The following MACROD2 variants were observed in gnomAD, a reference collection of about 807,000 sequenced individuals.
MACROD2 encodes ADP-ribose glycohydrolase MACROD2.
MACROD2 carries 36 observed loss-of-function variants against 70.4 expected under a neutral mutation model. The ratio of observed to expected loss-of-function variants is 0.51; its 90% confidence interval spans 0.39 to 0.68. The LOEUF is 0.68. MACROD2 is among the 30% of genes least tolerant of loss of function. The probability of loss-of-function intolerance (pLI) is 0.00; values close to 1 mark genes in which losing one functional copy is unlikely to be tolerated. For synonymous variants in MACROD2, 172 were observed against 178.8 expected (o/e 0.96, Z 0.30); for missense variants, 496 against 538.4 (o/e 0.92, Z 0.78).
chr20:14,369,490 G>T (rs1010477081), intron 3 of MACROD2, among the ~76,000 whole-genome samples: 6 of 152,084 alleles, frequency 3.9e-5, no homozygotes, highest in African/African-American at 1.4e-4. Context: ...TTTGGTTTCA[G>T]CATTTTCTTG....
At chr20:14,047,543 T>C (rs1203115929) in intron 2 of MACROD2, among the ~76,000 whole-genome samples, 7 of 152,078 alleles carry the variant, frequency 4.6e-5, no homozygotes. Flanking sequence ...ATTTCTGTTA[T>C]CCAGATAATT....
At chr20:15,127,928 T>C (rs1274466298) in intron 5 of MACROD2, among the ~76,000 whole-genome samples, 2 of 152,086 alleles carry the variant, frequency 1.3e-5, no homozygotes, top group South Asian at 2.1e-4. Flanking sequence ...AATTTATAAA[T>C]TTAGATGTTT....
chr20:14,126,030 A>G (rs1601252322), intron 3 of MACROD2, among the ~76,000 whole-genome samples: 2 of 152,182 alleles, frequency 1.3e-5, no homozygotes, highest in African/African-American at 4.8e-5. Flanking sequence ...TCAGGATTGT[A>G]GAAGCCTGAG....
In MACROD2 at chr20:15,276,585, C is replaced by T. The variant is rs186271129; in HGVS notation, c.540+46524C>T. 5.1e-3 allele frequency among the ~76,000 whole-genome samples: 782 copies of T among 151,998 alleles called. 2 individuals are homozygous for T. The highest frequency in any genetic ancestry group is 0.021 in the Middle Eastern group (6 of 292). On this transcript the variant is annotated intron_variant, in intron 6 of 17. Coordinates refer to ENST00000684519, the MANE Select transcript of MACROD2 (RefSeq NM_001351661.2). ...CTACACAAAAACTAACAAGTAATTA[C>T]ACGAAAATACGGGGCCCTTTCTTCT...
At chr20:15,564,253 C>T (rs371720651) in intron 8 of MACROD2, among the ~76,000 whole-genome samples, 1 of 152,164 alleles carries the variant, frequency 6.6e-6, no homozygotes, top group African/African-American at 2.4e-5. Context: ...AACCTTCGCT[C>T]ATTTTTGTCA....
At chr20:14,983,521 A>G (rs1337954555) in intron 5 of MACROD2, among the ~76,000 whole-genome samples, 1 of 151,970 alleles carries the variant, frequency 6.6e-6, no homozygotes, top group African/African-American at 2.4e-5. Flanking sequence ...GGTCTTTCCT[A>G]TGCTGTTCTC....
At chr20:15,348,405 T>C (rs1373536274) in intron 6 of MACROD2, among the ~76,000 whole-genome samples, 1 of 152,196 alleles carries the variant, frequency 6.6e-6, no homozygotes. Flanking sequence ...AGGTTTGATC[T>C]TTTCTAGCAG....
intron 5 of MACROD2, among the ~76,000 whole-genome samples, chr20:15,197,972 T>A (rs1023268480): frequency 4.7e-5 from 7 of 149,620 alleles, no homozygotes; most frequent in African/African-American, 1.7e-4. Flanking sequence ...TTTTTTTTTT[T>A]TTTTTTTGAG....
chr20:15,537,060 T>C (rs1245747821), intron 8 of MACROD2, among the ~76,000 whole-genome samples: 1 of 152,166 alleles, frequency 6.6e-6, no homozygotes, highest in Admixed American at 6.5e-5. Context: ...ATCTTGAATT[T>C]TAGCTCCCAT....
chr20:14,366,624 G>A (rs896632809), intron 3 of MACROD2, among the ~76,000 whole-genome samples: 10 of 151,206 alleles, frequency 6.6e-5, no homozygotes, highest in South Asian at 4.2e-4. Context: ...CTTGGCCTCC[G>A]AAAGTGCTGG....
chr20:15,062,854 C>T (rs365575), intron 5 of MACROD2, among the ~76,000 whole-genome samples: 24,418 of 152,118 alleles, frequency 0.16, 2,636 homozygotes, highest in Non-Finnish European at 0.23. Flanking sequence ...CCTGCCTTAG[C>T]TCTTGCAATT....
intron 8 of MACROD2, among the ~76,000 whole-genome samples, chr20:15,782,964 C>T (rs1471589557): frequency 2.6e-5 from 4 of 151,854 alleles, no homozygotes; most frequent in African/African-American, 7.3e-5. Flanking sequence ...CAGCAGTTAC[C>T]GGAAATTCAA....
intron 5 of MACROD2, among the ~76,000 whole-genome samples, chr20:15,204,503 G>A (rs2076684709): frequency 6.6e-6 from 1 of 152,044 alleles, no homozygotes; most frequent in South Asian, 2.1e-4. Flanking sequence ...TATCAGAGAT[G>A]ACATGGTACC....
At chr20:14,800,313 A>G (rs888285842) in intron 5 of MACROD2, among the ~76,000 whole-genome samples, 1 of 152,104 alleles carries the variant, frequency 6.6e-6, no homozygotes, top group Non-Finnish European at 1.5e-5. Flanking sequence ...TGCCCCTCAA[A>G]TTCCAATTAT....
intron 3 of MACROD2, among the ~76,000 whole-genome samples, chr20:14,358,151 A>G (rs377111105): frequency 5.3e-5 from 8 of 152,236 alleles, no homozygotes; most frequent in African/African-American, 1.4e-4. Flanking sequence ...AAAAAGGAAT[A>G]GTACTGTATA....
chr20:15,434,180 T>C (rs1008390754), intron 7 of MACROD2, among the ~76,000 whole-genome samples: 1 of 151,840 alleles, frequency 6.6e-6, no homozygotes, highest in African/African-American at 2.4e-5. Flanking sequence ...AAATAAATAA[T>C]TGGGACCTAA....
intron 3 of MACROD2, among the ~76,000 whole-genome samples, chr20:14,316,475 T>C (rs779500060): frequency 5.3e-5 from 8 of 152,216 alleles, no homozygotes; most frequent in Non-Finnish European, 8.8e-5. Context: ...GTCCAACTCA[T>C]AGCCCATGGG....
intron 6 of MACROD2, among the ~76,000 whole-genome samples, chr20:15,305,654 AT>A (rs1276480193): frequency 7.1e-6 from 1 of 140,634 alleles, no homozygotes; most frequent in African/African-American, 2.8e-5. Context: ...AGTTGATAAA[AT>A]TGTGTGTGTG....
intron 8 of MACROD2, among the ~76,000 whole-genome samples, chr20:15,553,462 C>A (rs1216616606): frequency 6.6e-6 from 1 of 152,158 alleles, no homozygotes; most frequent in African/African-American, 2.4e-5. Flanking sequence ...CACTCTGTCA[C>A]CCAGGCTGGA....
Sources: gnomAD v4.1 joint callset for allele counts (sites outside exome capture counted in the v4.1 genomes callset) on GRCh38, gnomAD v4.1.1 for gene constraint, MANE v1.5 for transcripts, NCBI Gene and HGNC (gene_info 2026-07-23, HGNC 2026-07-21) for gene names.